Variants in BTBD9 observed in about 807,000 individuals in gnomAD.
The protein encoded by BTBD9 is BTB/POZ domain-containing protein 9.
In BTBD9, 49 loss-of-function variants were observed where a neutral mutation model predicts 64.3. The observed-to-expected ratio is 0.76, with a 90% CI of 0.61 to 0.97. The LOEUF (loss-of-function observed/expected upper bound fraction) is 0.97, where lower values mean the gene tolerates loss of function less well. Ranked by LOEUF, BTBD9 falls within the 50% of genes least tolerant of loss-of-function variation. The pLI, the probability that BTBD9 is intolerant of heterozygous loss-of-function variation, is 0.00. For synonymous variants in BTBD9, 260 were observed against 274.7 expected (o/e 0.95, Z 0.53); for missense variants, 598 against 762.1 (o/e 0.78, Z 2.53).
intron 6 of BTBD9, among the ~76,000 whole-genome samples, chr6:38,483,449 T>C (rs1215540328): frequency 6.6e-6 from 1 of 152,076 alleles, no homozygotes; most frequent in Non-Finnish European, 1.5e-5. Context: ...ACCTGCTGTC[T>C]GGTCTTCCCT....
intron 6 of BTBD9, among the ~76,000 whole-genome samples, chr6:38,574,891 C>T (rs1374689860): frequency 2.6e-5 from 4 of 152,190 alleles, no homozygotes; most frequent in African/African-American, 9.7e-5. Context: ...AAGAGCTCTA[C>T]CTAACTCCAC....
chr6:38,452,000 G>A (rs1198315142), intron 6 of BTBD9, among the ~76,000 whole-genome samples: 1 of 152,040 alleles, frequency 6.6e-6, no homozygotes, highest in Non-Finnish European at 1.5e-5. Context: ...CAATGTAGAA[G>A]AGCTCTTTTA....
intron 6 of BTBD9, among the ~76,000 whole-genome samples, chr6:38,473,359 T>C (rs1263502292): frequency 1.3e-5 from 2 of 152,198 alleles, no homozygotes; most frequent in East Asian, 1.9e-4. Context: ...AGGCAGGAGA[T>C]TGGTACTGGC....
chr6:38,220,915 G>C (rs1288437570), intron 9 of BTBD9, among the ~76,000 whole-genome samples: 1 of 152,192 alleles, frequency 6.6e-6, no homozygotes, highest in African/African-American at 2.4e-5. Flanking sequence ...TAACCAGAGG[G>C]TAGAGAAAGG....
At chr6:38,242,666 C>T (rs1764041807) in intron 9 of BTBD9, among the ~76,000 whole-genome samples, 1 of 152,208 alleles carries the variant, frequency 6.6e-6, no homozygotes, top group African/African-American at 2.4e-5. Context: ...GTCTTCCTGT[C>T]TCCTCAGAAT....
intron 6 of BTBD9, among the ~76,000 whole-genome samples, chr6:38,357,559 C>A (rs1168972130): frequency 6.6e-6 from 1 of 152,194 alleles, no homozygotes; most frequent in Non-Finnish European, 1.5e-5. Flanking sequence ...ATTATTCAGG[C>A]TCTCTGCTCC....
intron 5 of BTBD9, among the ~76,000 whole-genome samples, chr6:38,579,073 C>T (rs571833675): frequency 6.6e-6 from 1 of 152,206 alleles, no homozygotes; most frequent in East Asian, 1.9e-4. Context: ...GGATTGGCTC[C>T]ACTTTGCCAA....
At chr6:38,518,175 C>G (rs1178083658) in intron 6 of BTBD9, among the ~76,000 whole-genome samples, 2 of 152,058 alleles carry the variant, frequency 1.3e-5, no homozygotes, top group Non-Finnish European at 2.9e-5. Flanking sequence ...GCCCCCCACC[C>G]CCGAACCAAC....
chr6:38,373,145 T>C (rs1562093530), intron 6 of BTBD9, among the ~76,000 whole-genome samples: 1 of 152,108 alleles, frequency 6.6e-6, no homozygotes, highest in Non-Finnish European at 1.5e-5. Context: ...AAGAGTAAAA[T>C]GTGTCATTTG....
chr6:38,179,861 G>A (rs1304483231), intron 10 of BTBD9: 1 of 456,322 alleles, frequency 2.2e-6, no homozygotes, highest in Non-Finnish European at 4.4e-6. Flanking sequence ...GTGTGCACAG[G>A]TGAGGCCTTG....
At chr6:38,280,409 T>A (rs1761466282) in intron 8 of BTBD9, among the ~76,000 whole-genome samples, 1 of 152,170 alleles carries the variant, frequency 6.6e-6, no homozygotes, top group Non-Finnish European at 1.5e-5. Flanking sequence ...AAGGAAGAAT[T>A]CCTTGGTTCC....
intron 10 of BTBD9, among the ~76,000 whole-genome samples, chr6:38,188,005 A>G (rs996473909): frequency 3.3e-5 from 5 of 152,248 alleles, no homozygotes; most frequent in Non-Finnish European, 5.9e-5. Context: ...AGCATGCAGC[A>G]GACGGAGACT....
intron 6 of BTBD9, among the ~76,000 whole-genome samples, chr6:38,493,104 A>G (rs1050691594): frequency 6.6e-6 from 1 of 152,218 alleles, no homozygotes; most frequent in East Asian, 1.9e-4. Context: ...TAACCTACCG[A>G]TTACTTTGAA....
rs562623168 is a variant in BTBD9 at position 38,469,740 on chromosome 6, T to A, written c.1154+107860A>T. ...ATTTTGTCGTCTGAGTAGTTTTAAT[T>A]TGAATTGCACAAATATCACTTAATT... On this transcript the variant is annotated intron_variant, in intron 6 of 10. Coordinates refer to ENST00000481247, the MANE Select transcript of BTBD9 (RefSeq NM_001099272.2). Among the ~76,000 whole-genome samples the A allele has an allele frequency of 6.6e-5, 10 of 152,324 alleles. No individual in the cohort carries two copies. In the South Asian group the frequency reaches 1.9e-3, roughly 28 times the overall value.
chr6:38,493,563 A>AC (rs1329457447), intron 6 of BTBD9, among the ~76,000 whole-genome samples: 16 of 152,322 alleles, frequency 1.1e-4, no homozygotes, highest in African/African-American at 3.6e-4. Context: ...AATCATTGCT[A>AC]CATTCATTTT....
Position 38,592,743 on chromosome 6 carries a change from T to C in BTBD9, c.647A>G (p.Glu216Gly). The C allele has an allele frequency of 3.7e-6, 6 of 1,614,226 alleles. No homozygotes were observed. The highest frequency in any genetic ancestry group is 5.1e-6 in the Non-Finnish European group (6 of 1,180,036). Residue 216 changes from glutamate to glycine, a missense_variant, in exon 4 of 11, where the codon GAG becomes GGG. Coordinates refer to ENST00000481247, the MANE Select transcript of BTBD9 (RefSeq NM_001099272.2). The part of the protein sequence containing the change: ...LLNWCKHNSK[E>G]NHAEIMQAVR... ...AGCCTGCATGATTTCAGCATGATTC[T>C]CCTTTGAATTGTGCTTACACCAGTT... is the stretch of plus-strand genomic sequence containing the variant.
chr6:38,626,709 C>G (rs1417706565), intron 1 of BTBD9, among the ~76,000 whole-genome samples: 1 of 152,186 alleles, frequency 6.6e-6, no homozygotes, highest in Non-Finnish European at 1.5e-5. Context: ...GGCCTACTCA[C>G]CACTCCACTT....
intron 6 of BTBD9, among the ~76,000 whole-genome samples, chr6:38,541,287 A>G (rs908348883): frequency 5.3e-5 from 8 of 152,190 alleles, no homozygotes; most frequent in African/African-American, 1.7e-4. Flanking sequence ...TTTTTGTTTT[A>G]CTATTACATT....
At chr6:38,217,002 C>T (rs1199084942) in intron 9 of BTBD9, among the ~76,000 whole-genome samples, 1 of 151,938 alleles carries the variant, frequency 6.6e-6, no homozygotes, top group Admixed American at 6.6e-5. Context: ...GGCCTGGGAG[C>T]CACACTTTAA....
Sources: allele counts gnomAD v4.1 joint callset (sites outside exome capture counted in the v4.1 genomes callset), GRCh38; gene constraint gnomAD v4.1.1; transcripts MANE v1.5; gene names NCBI Gene and HGNC (gene_info 2026-07-23, HGNC 2026-07-21).